Variants in LHFPL3 observed in about 807,000 individuals in gnomAD.
The protein encoded by LHFPL3 is LHFPL tetraspan subfamily member 3.
LHFPL3 carries 5 observed loss-of-function variants against 19.3 expected under a neutral mutation model. That is an observed-to-expected ratio of 0.26 (90% CI 0.14 to 0.54). The LOEUF is 0.54. Among genes scored for constraint, LHFPL3 ranks in the 20% least tolerant of loss-of-function variants. The pLI is 0.94. For synonymous variants in LHFPL3, 133 were observed against 126.2 expected (o/e 1.05, Z -0.36); for missense variants, 249 against 307.4 (o/e 0.81, Z 1.42).
chr7:104,874,887 C>T (rs1272314689), intron 2 of LHFPL3, among the ~76,000 whole-genome samples: 1 of 151,386 alleles, frequency 6.6e-6, no homozygotes, highest in Non-Finnish European at 1.5e-5. Context: ...CACTCTGTCA[C>T]CCAGGCTGGA....
intron 1 of LHFPL3, among the ~76,000 whole-genome samples, chr7:104,574,438 C>T (rs1393064343): frequency 6.6e-6 from 1 of 152,116 alleles, no homozygotes; most frequent in Non-Finnish European, 1.5e-5. Flanking sequence ...TCAGAAAGCC[C>T]TTTAAAGGAC....
intron 1 of LHFPL3, among the ~76,000 whole-genome samples, chr7:104,529,519 A>T (rs973553336): frequency 2.0e-5 from 3 of 152,164 alleles, no homozygotes; most frequent in Admixed American, 2.0e-4. Flanking sequence ...ATCTAAGCTG[A>T]TGAAGGGTCC....
intron 2 of LHFPL3, chr7:104,803,366 A>G (rs1041640048): frequency 5.3e-5 from 8 of 152,246 alleles, no homozygotes; most frequent in African/African-American, 1.9e-4. Context: ...TCCTCAATTT[A>G]TAGTTCCAAG....
intron 1 of LHFPL3, among the ~76,000 whole-genome samples, chr7:104,699,556 G>A (rs1305350365): frequency 6.6e-6 from 1 of 152,172 alleles, no homozygotes. Context: ...GGAGAATGGG[G>A]AATTAGTGTT....
chr7:104,580,063 G>T (rs1033597806), intron 1 of LHFPL3, among the ~76,000 whole-genome samples: 1 of 152,138 alleles, frequency 6.6e-6, no homozygotes, highest in African/African-American at 2.4e-5. Flanking sequence ...TAGGTTGAAA[G>T]GTGAAATACC....
At chr7:104,660,053 G>A (rs1792196528) in intron 1 of LHFPL3, among the ~76,000 whole-genome samples, 1 of 150,906 alleles carries the variant, frequency 6.6e-6, no homozygotes, top group African/African-American at 2.4e-5. Flanking sequence ...CCAGGCTGGA[G>A]TATAGTGGTG....
intron 2 of LHFPL3, chr7:104,786,542 C>T (rs1789918834): frequency 6.6e-6 from 1 of 152,140 alleles, no homozygotes; most frequent in African/African-American, 2.4e-5. Flanking sequence ...TGCTCACTAA[C>T]AGATCTCATT....
Position 104,456,519 on chromosome 7 carries a change from T to C in LHFPL3, c.445+127295T>C, listed in dbSNP as rs188346531. Among the ~76,000 whole-genome samples, 330 of 152,322 alleles carry C rather than the reference T, an allele frequency of 2.2e-3. 3 individuals are homozygous for C. Among genetic ancestry groups the C allele is most frequent in the African/African-American group, 7.5e-3 (310 of 41,582 alleles). On this transcript the variant is annotated intron_variant, in intron 1 of 2. Coordinates refer to ENST00000424859, the MANE Select transcript of LHFPL3 (RefSeq NM_199000.3). ...TAAACTGTGCGTGGATTTCTCTTTC[T>C]TTTTCTACAGTTACATGGATGGAAG...
At chr7:104,541,214 G>GTCCT (rs1387474144) in intron 1 of LHFPL3, among the ~76,000 whole-genome samples, 23 of 151,874 alleles carry the variant, frequency 1.5e-4, no homozygotes, top group African/African-American at 5.5e-4. Flanking sequence ...TGAATGAGGT[G>GTCCT]TCCTTCCCAT....
At chr7:104,728,317 GC>G (rs1056071044) in intron 1 of LHFPL3, among the ~76,000 whole-genome samples, 25 of 152,214 alleles carry the variant, frequency 1.6e-4, no homozygotes, top group African/African-American at 6.0e-4. Context: ...CCTCTTGCTA[GC>G]TTCAGGAATT....
intron 1 of LHFPL3, among the ~76,000 whole-genome samples, chr7:104,481,969 G>C (rs543804328): frequency 1.3e-5 from 2 of 152,140 alleles, no homozygotes; most frequent in East Asian, 1.9e-4. Flanking sequence ...CTTCCACTCC[G>C]TGAGTGTTGC....
chr7:104,623,226 G>GT (rs1055039155), intron 1 of LHFPL3, among the ~76,000 whole-genome samples: 63 of 149,610 alleles, frequency 4.2e-4, no homozygotes, highest in Non-Finnish European at 6.5e-4. Flanking sequence ...GTTTTGTTTT[G>GT]TTTTTTTGCA....
At chr7:104,521,374 G>T (rs1794058488) in intron 1 of LHFPL3, among the ~76,000 whole-genome samples, 2 of 151,920 alleles carry the variant, frequency 1.3e-5, no homozygotes, top group Non-Finnish European at 2.9e-5. Flanking sequence ...CCAAGTATAT[G>T]GTCAATTTTT....
chr7:104,720,626 T>C (rs1251325811), intron 1 of LHFPL3, among the ~76,000 whole-genome samples: 1 of 151,812 alleles, frequency 6.6e-6, no homozygotes, highest in Non-Finnish European at 1.5e-5. Context: ...GGGAGAAAAA[T>C]TTTGCAATCT....
intron 1 of LHFPL3, among the ~76,000 whole-genome samples, chr7:104,360,345 T>C (rs979059071): frequency 1.3e-5 from 2 of 152,212 alleles, no homozygotes; most frequent in Non-Finnish European, 2.9e-5. Flanking sequence ...CTCATATGTC[T>C]GTACTCATGC....
chr7:104,821,412 G>A (rs1022638984), intron 2 of LHFPL3, among the ~76,000 whole-genome samples: 1 of 152,204 alleles, frequency 6.6e-6, no homozygotes, highest in Non-Finnish European at 1.5e-5. Context: ...GGCAAGAGCC[G>A]GTTTCATGCA....
intron 1 of LHFPL3, among the ~76,000 whole-genome samples, chr7:104,684,703 C>T (rs1792773075): frequency 2.0e-5 from 3 of 152,226 alleles, no homozygotes; most frequent in Non-Finnish European, 4.4e-5. Flanking sequence ...TGGAAAAAGT[C>T]AGTTGCAGAG....
chr7:104,625,555 GT>G (rs993421845), intron 1 of LHFPL3, among the ~76,000 whole-genome samples: 8 of 151,620 alleles, frequency 5.3e-5, no homozygotes, highest in East Asian at 3.9e-4. Flanking sequence ...TTGTTCCTCT[GT>G]TTTTTTTTAA....
intron 1 of LHFPL3, among the ~76,000 whole-genome samples, chr7:104,338,290 G>A (rs897402648): frequency 5.9e-5 from 9 of 151,638 alleles, no homozygotes; most frequent in Non-Finnish European, 8.8e-5. Context: ...TAGTAGAGAC[G>A]GGGTGTCACC....
Sources: gnomAD v4.1 joint callset for allele counts (sites outside exome capture counted in the v4.1 genomes callset) on GRCh38, gnomAD v4.1.1 for gene constraint, MANE v1.5 for transcripts, NCBI Gene and HGNC (gene_info 2026-07-23, HGNC 2026-07-21) for gene names.